Variants in ALOX5AP observed in about 807,000 individuals in gnomAD.
ALOX5AP encodes arachidonate 5-lipoxygenase activating protein, also known as arachidonate 5-lipoxygenase-activating protein.
Under a neutral mutation model 18.5 loss-of-function variants are expected in ALOX5AP, and 9 were observed. That is an observed-to-expected ratio of 0.49 (90% CI 0.29 to 0.85). The LOEUF (loss-of-function observed/expected upper bound fraction) is 0.85. Ranked by LOEUF, ALOX5AP falls within the 40% of genes least tolerant of loss-of-function variation. The pLI, the probability that ALOX5AP is intolerant of heterozygous loss-of-function variation, is 0.08. For missense variants in ALOX5AP, 172 were observed against 202.5 expected (o/e 0.85, Z 0.91); for synonymous variants, 81 against 78.6 (o/e 1.03, Z -0.16).
At chr13:30,746,374 T>C (rs1263018190) in intron 2 of ALOX5AP, among the ~76,000 whole-genome samples, 1 of 152,148 alleles carries the variant, frequency 6.6e-6, no homozygotes, top group African/African-American at 2.4e-5. Context: ...GAGATAGCCA[T>C]GGAAAGGTAG....
chr13:30,717,338 C>T lies in ALOX5AP; in HGVS notation c.116+3497C>T, dbSNP rs1330514753. On this transcript the variant is annotated intron_variant, in intron 1 of 5. Coordinates refer to the ALOX5AP transcript ENST00000617770. ...CAATCATCAATGCAGAAGACTTCTG[C>T]GAGCAAAGGTGTGGGGGAAAACCCC... 3.9e-5 allele frequency among the ~76,000 whole-genome samples: 6 copies of T among 152,326 alleles called. No individual in the cohort carries two copies. The East Asian group carries it at 1.2e-3, about 29-fold the overall frequency.
chr13:30,751,865 C>A (rs1951854686), intron 2 of ALOX5AP, among the ~76,000 whole-genome samples, 187 bp from the exon 3 acceptor site: 2 of 152,210 alleles, frequency 1.3e-5, no homozygotes, highest in African/African-American at 4.8e-5. Context: ...TTGCTTTATA[C>A]CATTGTTTGT....
intron 3 of ALOX5AP, among the ~76,000 whole-genome samples, chr13:30,755,433 G>A (rs1287736781): frequency 2.6e-5 from 4 of 152,148 alleles, no homozygotes; most frequent in Admixed American, 2.0e-4. Flanking sequence ...CTGAACCCAC[G>A]TTTCCACATC....
At chr13:30,733,095 C>T (rs1951694390), upstream of ALOX5AP, among the ~76,000 whole-genome samples, 1 of 148,092 alleles carries the variant, frequency 6.8e-6, no homozygotes, top group Non-Finnish European at 1.5e-5. Flanking sequence ...GGAGGCAGAG[C>T]TTGCAGTGAG....
intron 1 of ALOX5AP, among the ~76,000 whole-genome samples, chr13:30,715,781 T>C (rs903279743): frequency 6.7e-6 from 1 of 149,388 alleles, no homozygotes; most frequent in African/African-American, 2.5e-5. Context: ...GGGCTTCTGG[T>C]TTTTTTTCTT....
chr13:30,719,304 T>C (rs1951574644), intron 1 of ALOX5AP, among the ~76,000 whole-genome samples: 1 of 152,216 alleles, frequency 6.6e-6, no homozygotes, highest in African/African-American at 2.4e-5. Context: ...ATGATGACTC[T>C]CTAGGCTAGG....
At chr13:30,759,207 T>A (rs1048780080) in intron 4 of ALOX5AP, among the ~76,000 whole-genome samples, 1 of 152,178 alleles carries the variant, frequency 6.6e-6, no homozygotes, top group African/African-American at 2.4e-5. Context: ...CAACTGACTC[T>A]TGGTCTTTTA....
At chr13:30,718,906 A>T (rs1239658879) in intron 1 of ALOX5AP, among the ~76,000 whole-genome samples, 3 of 152,208 alleles carry the variant, frequency 2.0e-5, no homozygotes, top group African/African-American at 7.2e-5. Context: ...TCTTCCCTTG[A>T]TCCAAACTAC....
intron 1 of ALOX5AP, among the ~76,000 whole-genome samples, chr13:30,715,889 T>C (rs1951546789): frequency 6.6e-6 from 1 of 152,062 alleles, no homozygotes; most frequent in Admixed American, 6.5e-5. Flanking sequence ...TATGTATATA[T>C]AGTAATAGTA....
At chr13:30,717,724 T>C (rs1193223658) in intron 1 of ALOX5AP, among the ~76,000 whole-genome samples, 1 of 152,140 alleles carries the variant, frequency 6.6e-6, no homozygotes, top group East Asian at 1.9e-4. Flanking sequence ...CATGAATGAG[T>C]TCTCCTTCAC....
intron 2 of ALOX5AP, among the ~76,000 whole-genome samples, chr13:30,744,651 A>G (rs1018560028): frequency 6.6e-6 from 1 of 152,240 alleles, no homozygotes; most frequent in Admixed American, 6.5e-5. Context: ...TAGAACAAGA[A>G]CAGAAAGAAT....
intron 1 of ALOX5AP, among the ~76,000 whole-genome samples, chr13:30,715,963 G>A (rs971747343): frequency 6.6e-6 from 1 of 152,148 alleles, no homozygotes; most frequent in Admixed American, 6.5e-5. Flanking sequence ...ACCAACATTT[G>A]CCTGCTCCTG....
At chr13:30,740,543 T>A (rs3922435) in intron 1 of ALOX5AP, among the ~76,000 whole-genome samples, 1 of 152,212 alleles carries the variant, frequency 6.6e-6, no homozygotes, top group Non-Finnish European at 1.5e-5. Context: ...TCTTTGCATG[T>A]ATTGTTTCTG....
chr13:30,738,807 C>T (rs752339070), intron 1 of ALOX5AP, among the ~76,000 whole-genome samples: 15 of 152,218 alleles, frequency 9.9e-5, no homozygotes, highest in Middle Eastern at 3.4e-3. Flanking sequence ...GCATTAGCAG[C>T]GGCCTCTTTC....
chr13:30,715,965 C>G (rs573233863), intron 1 of ALOX5AP, among the ~76,000 whole-genome samples: 1 of 152,306 alleles, frequency 6.6e-6, no homozygotes, highest in African/African-American at 2.4e-5. Context: ...CAACATTTGC[C>G]TGCTCCTGCC....
intron 1 of ALOX5AP, among the ~76,000 whole-genome samples, chr13:30,716,311 G>A (rs528160054): frequency 6.6e-6 from 1 of 152,210 alleles, no homozygotes; most frequent in South Asian, 2.1e-4. Context: ...GTGTAGCCTG[G>A]GCATGAGGAT....
intron 1 of ALOX5AP, among the ~76,000 whole-genome samples, chr13:30,738,506 C>T (rs958630463): frequency 3.9e-5 from 6 of 152,194 alleles, no homozygotes; most frequent in African/African-American, 9.7e-5. Context: ...AGGAGTTGGG[C>T]TCAAATCTGT....
chr13:30,754,474 G>A (rs1472730173), intron 3 of ALOX5AP, among the ~76,000 whole-genome samples: 3 of 152,090 alleles, frequency 2.0e-5, no homozygotes, highest in East Asian at 3.8e-4. Context: ...GCATTCCTAT[G>A]GTGAGTGAAA....
chr13:30,729,716 G>C (rs1331801113), intron 1 of ALOX5AP, among the ~76,000 whole-genome samples: 1 of 151,834 alleles, frequency 6.6e-6, no homozygotes, highest in African/African-American at 2.4e-5. Context: ...GGCTGGGATT[G>C]TAGGCGTGCA....
Sources: gnomAD v4.1 joint callset for allele counts (sites outside exome capture counted in the v4.1 genomes callset) on GRCh38, gnomAD v4.1.1 for gene constraint, MANE v1.5 for transcripts, NCBI Gene and HGNC (gene_info 2026-07-23, HGNC 2026-07-21) for gene names.